The following KLHL29 variants were observed in gnomAD, a reference collection of about 807,000 sequenced individuals.
KLHL29 encodes kelch like family member 29.
In KLHL29, 21 loss-of-function variants were observed where a neutral mutation model predicts 80.4. The observed-to-expected ratio is 0.26, with a 90% CI of 0.19 to 0.38. The LOEUF is 0.38. KLHL29 is among the 10% of genes least tolerant of loss of function. KLHL29 has a pLI of 1.00. For synonymous variants in KLHL29, 511 were observed against 526.8 expected (o/e 0.97, Z 0.41); for missense variants, 867 against 1,223.9 (o/e 0.71, Z 4.35).
chr2:23,483,752 G>GC (rs1354364198), intron 2 of KLHL29, among the ~76,000 whole-genome samples: 3 of 152,154 alleles, frequency 2.0e-5, no homozygotes, highest in African/African-American at 7.2e-5. Flanking sequence ...GCAAACCAAA[G>GC]CCCAGAGAGG....
At chr2:23,433,493 C>A (rs186825905) in intron 1 of KLHL29, among the ~76,000 whole-genome samples, 1 of 150,868 alleles carries the variant, frequency 6.6e-6, no homozygotes, top group East Asian at 2.0e-4. Context: ...GGTGTCCTGG[C>A]ACCTGTGGGA....
chr2:23,706,116 T>C (rs1489807891), intron 13 of KLHL29, among the ~76,000 whole-genome samples: 1 of 152,164 alleles, frequency 6.6e-6, no homozygotes, highest in Non-Finnish European at 1.5e-5. Context: ...TGTTCCCAAT[T>C]TGATTTGAGC....
At chr2:23,613,669 C>A (rs1668925492) in intron 3 of KLHL29, among the ~76,000 whole-genome samples, 1 of 146,670 alleles carries the variant, frequency 6.8e-6, no homozygotes, top group East Asian at 2.0e-4. Flanking sequence ...GAGGCTGAGG[C>A]AGGAGAATCG....
rs371695675 is a variant in KLHL29 at position 23,453,737 on chromosome 2, T to C, written c.-153-21823T>C. Among the ~76,000 whole-genome samples the C allele has an allele frequency of 2.0e-4, 31 of 152,304 alleles. No individual in the cohort carries two copies. In the East Asian group the frequency reaches 5.0e-3, roughly 25 times the overall value. ...AGTTCCAAGCCGTGCTTTGAAAAGG[T>C]CACCTTATATGAATATTTAGAAAAA... is the stretch of plus-strand genomic sequence containing the variant. On this transcript the variant is annotated intron_variant, in intron 1 of 13. Transcript: ENST00000486442.
chr2:23,539,432 C>CTT (rs869075602), intron 2 of KLHL29, among the ~76,000 whole-genome samples: 51 of 25,788 alleles, frequency 2.0e-3, no homozygotes, highest in East Asian at 2.6e-3. Context: ...ATCCTGCCTC[C>CTT]TTTTTTTTTT....
chr2:23,533,397 G>A (rs1666561620), intron 2 of KLHL29, among the ~76,000 whole-genome samples: 1 of 152,142 alleles, frequency 6.6e-6, no homozygotes, highest in South Asian at 2.1e-4. Flanking sequence ...GTCTAAGCAG[G>A]GAGGGGTCCT....
rs187172215 is a variant in KLHL29 at position 23,579,798 on chromosome 2, T to C, written c.285+17317T>C. Among the ~76,000 whole-genome samples the C allele has an allele frequency of 3.3e-4, 50 of 152,328 alleles. 1 individual carries two copies. The East Asian group carries it at 8.7e-3, about 26-fold the overall frequency. On this transcript the variant is annotated intron_variant, in intron 3 of 13. Transcript: ENST00000486442. Reference sequence around the variant, plus strand: ...CCTCTTCTGGCTTCACCAAGCCTCATCTGTCACCTCTGCACCCCCGCCCCC... The same window carrying C: ...CCTCTTCTGGCTTCACCAAGCCTCACCTGTCACCTCTGCACCCCCGCCCCC...
intron 1 of KLHL29, among the ~76,000 whole-genome samples, chr2:23,445,205 C>A (rs186180915): frequency 6.6e-6 from 1 of 152,288 alleles, no homozygotes; most frequent in African/African-American, 2.4e-5. Flanking sequence ...AATACAGTAA[C>A]CTCATAGAAA....
chr2:23,467,845 T>C (rs1664394376), intron 1 of KLHL29, among the ~76,000 whole-genome samples: 1 of 151,960 alleles, frequency 6.6e-6, no homozygotes, highest in South Asian at 2.1e-4. Context: ...AACCCAGCAC[T>C]CTTGCACACG....
At position 23,706,401 on chromosome 2, in the gene KLHL29, AG is replaced by A. The variant is rs1212993141; in HGVS notation, c.2445-78del. 220 of 1,152,386 alleles carry A rather than the reference AG, an allele frequency of 1.9e-4. No individual in the cohort carries two copies. The African/African-American group carries it at 3.2e-3, about 17-fold the overall frequency. 71.4% of individuals were successfully genotyped at this position (1,152,386 alleles called of 1,614,324 possible). A position where few individuals can be genotyped will look rare whatever the true frequency, so the allele number is the denominator to read the frequency against. Reference sequence around the variant, plus strand: ...GCAAAAGGCACAGGCAGCCTACAACAGGACACGACGTTGAGAACCTATCTCC... The same window carrying A: ...GCAAAAGGCACAGGCAGCCTACAACAGACACGACGTTGAGAACCTATCTCC... On this transcript the variant is annotated intron_variant, in intron 13 of 13. Coordinates refer to ENST00000486442, the MANE Select transcript of KLHL29 (RefSeq NM_052920.2).
At chr2:23,693,155 G>A in intron 7 of KLHL29, 114 bp from the exon 8 acceptor site, 1 of 1,164,540 alleles carries the variant, frequency 8.6e-7, no homozygotes, top group Non-Finnish European at 1.1e-6. Flanking sequence ...GGACACTGCA[G>A]TCAGGGTCCC....
intron 1 of KLHL29, among the ~76,000 whole-genome samples, chr2:23,448,446 C>T (rs1235640232): frequency 6.6e-6 from 1 of 152,044 alleles, no homozygotes; most frequent in Non-Finnish European, 1.5e-5. Flanking sequence ...TTCAGATGCC[C>T]GAAAACACAA....
chr2:23,576,235 G>T (rs1397269300), intron 3 of KLHL29, among the ~76,000 whole-genome samples: 1 of 151,078 alleles, frequency 6.6e-6, no homozygotes, highest in Non-Finnish European at 1.5e-5. Context: ...AACCCAGGAG[G>T]CAGAGGTTGC....
At chr2:23,459,900 G>T (rs755713617) in intron 1 of KLHL29, among the ~76,000 whole-genome samples, 3 of 152,194 alleles carry the variant, frequency 2.0e-5, no homozygotes, top group Non-Finnish European at 4.4e-5. Context: ...AGGGGTGAAT[G>T]GGAGGTGAGG....
chr2:23,623,743 T>G lies in KLHL29; in HGVS notation c.286-15396T>G, dbSNP rs1669242534. ...AGTAGGTGAGTGGACATGTGCACAC[T>G]TGTGCACCTGTGTGATAGTGTGTGC... On this transcript the variant is annotated intron_variant, in intron 3 of 13. Coordinates refer to ENST00000486442, the MANE Select transcript of KLHL29 (RefSeq NM_052920.2). Among the ~76,000 whole-genome samples the G allele has an allele frequency of 2.0e-5, 3 of 152,194 alleles. No homozygotes were observed. In the South Asian group the frequency reaches 6.2e-4, roughly 32 times the overall value.
Position 23,497,345 on chromosome 2 carries a change from C to G in KLHL29, c.-46+21678C>G, listed in dbSNP as rs2103452185. 2.6e-5 allele frequency among the ~76,000 whole-genome samples: 4 copies of G among 152,296 alleles called. No homozygotes were observed. In the Middle Eastern group the frequency reaches 0.014, roughly 518 times the overall value. On this transcript the variant is annotated intron_variant, in intron 2 of 13. Coordinates refer to ENST00000486442, the MANE Select transcript of KLHL29 (RefSeq NM_052920.2). ...TCCCTCCATGACTAGAGCACCACAG[C>G]AGGGAGCCGAGGGTTTCCTGGGGTT...
chr2:23,703,658 G>A (rs1430809395), intron 12 of KLHL29, 61 bp from the exon 13 acceptor site: 5 of 1,475,200 alleles, frequency 3.4e-6, no homozygotes, highest in Non-Finnish European at 4.5e-6. Context: ...TTCTGGGAAA[G>A]AAAAGGAGAG....
intron 3 of KLHL29, among the ~76,000 whole-genome samples, chr2:23,619,529 G>A (rs1313355062): frequency 2.6e-5 from 4 of 152,160 alleles, no homozygotes; most frequent in African/African-American, 2.4e-5. Flanking sequence ...AGGCCCCAGG[G>A]CAGCCGAAGC....
intron 5 of KLHL29, among the ~76,000 whole-genome samples, chr2:23,675,768 G>A (rs1026871597): frequency 1.3e-5 from 2 of 152,238 alleles, no homozygotes; most frequent in African/African-American, 4.8e-5. Context: ...CGAAGCGCAG[G>A]GTTATCGCCG....
Sources: allele counts gnomAD v4.1 joint callset (sites outside exome capture counted in the v4.1 genomes callset), GRCh38; gene constraint gnomAD v4.1.1; transcripts MANE v1.5; gene names NCBI Gene and HGNC (gene_info 2026-07-23, HGNC 2026-07-21).